SGCD: variants seen among roughly 807,000 people sequenced by gnomAD.
SGCD encodes the protein delta-sarcoglycan.
A neutral mutation model predicts 36.6 loss-of-function variants in SGCD; 18 were observed. The ratio of observed to expected loss-of-function variants is 0.49; its 90% CI spans 0.34 to 0.73. SGCD has a LOEUF of 0.73. Ranked by LOEUF, SGCD falls within the 30% of genes least tolerant of loss-of-function variation. The pLI, the probability that SGCD is intolerant of heterozygous loss-of-function variation, is 0.01. For synonymous variants in SGCD, 133 were observed against 130.6 expected (o/e 1.02, Z -0.12); for missense variants, 387 against 346.7 (o/e 1.12, Z -0.92).
chr5:156,460,478 G>T (rs531232029), intron 3 of SGCD, among the ~76,000 whole-genome samples: 2 of 152,278 alleles, frequency 1.3e-5, no homozygotes, highest in East Asian at 3.9e-4. Context: ...GATTTGACCA[G>T]AACTTTGAAG....
chr5:156,353,578 C>T (rs747325418), intron 3 of SGCD, among the ~76,000 whole-genome samples: 3 of 152,112 alleles, frequency 2.0e-5, no homozygotes, highest in Non-Finnish European at 4.4e-5. Context: ...TCATTTAACA[C>T]TGTTAATATA....
chr5:156,134,588 G>A (rs1483549256), intron 3 of SGCD, among the ~76,000 whole-genome samples: 3 of 151,552 alleles, frequency 2.0e-5, no homozygotes, highest in Admixed American at 2.0e-4. Flanking sequence ...CATCTTTAAA[G>A]TTCCGGTACA....
At chr5:156,721,068 C>A (rs1755471971) in intron 7 of SGCD, among the ~76,000 whole-genome samples, 1 of 152,156 alleles carries the variant, frequency 6.6e-6, no homozygotes, top group South Asian at 2.1e-4. Context: ...GTAGCCTGAG[C>A]AACTGGAAAA....
the SGCD span, among the ~76,000 whole-genome samples, chr5:155,852,113 A>G: frequency 1.3e-5 from 2 of 152,232 alleles, no homozygotes; most frequent in African/African-American, 4.8e-5. Context: ...CATTTTGCCT[A>G]TTCCACCTGT....
At chr5:155,795,638 TAAC>T in the SGCD span, among the ~76,000 whole-genome samples, 1 of 152,256 alleles carries the variant, frequency 6.6e-6, no homozygotes, top group East Asian at 1.9e-4. Flanking sequence ...TGGTGTATAT[TAAC>T]AATAATAGTT....
At chr5:155,781,257 G>A in the SGCD span, among the ~76,000 whole-genome samples, 1 of 152,080 alleles carries the variant, frequency 6.6e-6, no homozygotes, top group African/African-American at 2.4e-5. Flanking sequence ...TGGTAAATAA[G>A]ACATGGAGTC....
intron 3 of SGCD, among the ~76,000 whole-genome samples, chr5:156,241,815 T>A (rs149200633): frequency 6.6e-6 from 1 of 152,170 alleles, no homozygotes; most frequent in African/African-American, 2.4e-5. Context: ...CCTTGCACAA[T>A]GTTTACACTC....
chr5:156,545,565 G>A (rs73812682), intron 4 of SGCD, among the ~76,000 whole-genome samples: 10 of 152,092 alleles, frequency 6.6e-5, no homozygotes, highest in South Asian at 2.1e-4. Context: ...CATAAGGAGC[G>A]CCCGACCTAG....
At chr5:156,445,442 A>G (rs1206601766) in intron 3 of SGCD, among the ~76,000 whole-genome samples, 1 of 152,128 alleles carries the variant, frequency 6.6e-6, no homozygotes, top group Non-Finnish European at 1.5e-5. Flanking sequence ...AAAAAATGGG[A>G]AATACAAAAT....
the SGCD span, among the ~76,000 whole-genome samples, chr5:155,826,563 G>A: frequency 6.6e-6 from 1 of 152,110 alleles, no homozygotes; most frequent in Admixed American, 6.5e-5. Flanking sequence ...TTTGCATTTG[G>A]TGTTCCCTCT....
At chr5:156,648,533 T>C (rs1159456704) in intron 7 of SGCD, among the ~76,000 whole-genome samples, 1 of 152,140 alleles carries the variant, frequency 6.6e-6, no homozygotes, top group Non-Finnish European at 1.5e-5. Flanking sequence ...CATAGCATTT[T>C]TTGCAAAGCC....
intron 6 of SGCD, among the ~76,000 whole-genome samples, chr5:156,642,609 C>T (rs1763077603): frequency 6.6e-6 from 1 of 151,824 alleles, no homozygotes; most frequent in Non-Finnish European, 1.5e-5. Context: ...GTTGAGATTA[C>T]AGGCTCATGC....
At chr5:155,950,041 GA>G (rs980969329) in intron 1 of SGCD, among the ~76,000 whole-genome samples, 4 of 152,050 alleles carry the variant, frequency 2.6e-5, no homozygotes, top group Admixed American at 6.6e-5. Flanking sequence ...GTTTAGTTTT[GA>G]AAATTTTTAT....
intron 3 of SGCD, among the ~76,000 whole-genome samples, chr5:156,236,128 C>T (rs989146582): frequency 2.0e-5 from 3 of 152,082 alleles, no homozygotes; most frequent in Non-Finnish European, 2.9e-5. Flanking sequence ...TAGTATTAGT[C>T]CCCCATTCTA....
rs559031384 is a variant in SGCD at position 156,281,916 on chromosome 5, T to C, written c.-43-47618T>C. On this transcript the variant is annotated intron_variant, in intron 3 of 9. Transcript: ENST00000517913. Reference sequence around the variant, plus strand: ...CAAGCTTATATTTTCACAAAGCTAGTGATTTCAGTGGATAAAACTTCTGTT... The same window carrying C: ...CAAGCTTATATTTTCACAAAGCTAGCGATTTCAGTGGATAAAACTTCTGTT... 1.6e-4 allele frequency among the ~76,000 whole-genome samples: 25 copies of C among 152,200 alleles called. No homozygotes were observed. The South Asian group carries it at 5.2e-3, about 32-fold the overall frequency.
At chr5:156,118,036 T>C (rs1761944716) in intron 2 of SGCD, 1 of 152,132 alleles carries the variant, frequency 6.6e-6, no homozygotes, top group African/African-American at 2.4e-5. Context: ...TATGGAAAGC[T>C]AGCAAAAATA....
At chr5:155,830,458 G>A in the SGCD span, among the ~76,000 whole-genome samples, 1 of 152,128 alleles carries the variant, frequency 6.6e-6, no homozygotes, top group Non-Finnish European at 1.5e-5. Context: ...GTCATTTTAT[G>A]GGGTAGGGAT....
chr5:156,752,633 A>T (rs529282854), intron 7 of SGCD, among the ~76,000 whole-genome samples: 1 of 152,226 alleles, frequency 6.6e-6, no homozygotes, highest in African/African-American at 2.4e-5. Context: ...ACCTCAGGTG[A>T]TCCACCCGCC....
chr5:156,725,797 G>T (rs903550250), intron 7 of SGCD, among the ~76,000 whole-genome samples: 2 of 152,166 alleles, frequency 1.3e-5, no homozygotes, highest in Non-Finnish European at 2.9e-5. Context: ...TTGATAAATT[G>T]ACTAACGTGT....
Sources: allele counts gnomAD v4.1 joint callset (sites outside exome capture counted in the v4.1 genomes callset), GRCh38; gene constraint gnomAD v4.1.1; transcripts MANE v1.5; gene names NCBI Gene and HGNC (gene_info 2026-07-23, HGNC 2026-07-21).